Variants in PARD3B observed in about 807,000 individuals in gnomAD.
PARD3B encodes the protein partitioning defective 3 homolog B.
In PARD3B, 103 loss-of-function variants were observed where a neutral mutation model predicts 130.2. The observed-to-expected ratio is 0.79, with a 90% CI of 0.67 to 0.93. PARD3B has a LOEUF of 0.93. Ranked by LOEUF, PARD3B falls within the 40% of genes least tolerant of loss-of-function variation. The probability of loss-of-function intolerance (pLI) is 0.00; values close to 1 mark genes in which losing one functional copy is unlikely to be tolerated. For synonymous variants in PARD3B, 583 were observed against 553.2 expected, an observed-to-expected ratio of 1.05 and a Z score of -0.76; for missense variants, 1,609 against 1,499.2, an observed-to-expected ratio of 1.07 and a Z score of -1.21.
intron 1 of PARD3B, among the ~76,000 whole-genome samples, chr2:204,546,798 A>G (rs1201856849): frequency 4.6e-5 from 7 of 152,242 alleles, no homozygotes; most frequent in Admixed American, 2.6e-4. Context: ...AAAATGAGAA[A>G]GACGTTCCTA....
intron 2 of PARD3B, among the ~76,000 whole-genome samples, chr2:204,864,688 T>G (rs1256397040): frequency 6.6e-6 from 1 of 152,192 alleles, no homozygotes; most frequent in East Asian, 1.9e-4. Flanking sequence ...TTTATGGGCT[T>G]AAGGTCTATC....
At chr2:204,716,071 G>A (rs1237384999) in intron 2 of PARD3B, among the ~76,000 whole-genome samples, 1 of 152,294 alleles carries the variant, frequency 6.6e-6, no homozygotes, top group Middle Eastern at 3.4e-3. Flanking sequence ...TACTTTAAAT[G>A]TAGGAACTAA....
At chr2:204,925,006 T>G (rs749775217) in intron 2 of PARD3B, among the ~76,000 whole-genome samples, 1 of 152,066 alleles carries the variant, frequency 6.6e-6, no homozygotes, top group Non-Finnish European at 1.5e-5. Context: ...TGTATACATA[T>G]GCATATATGA....
rs113999989 is a variant in PARD3B at position 205,003,345 on chromosome 2, A to G, written c.394+38022A>G. Among the ~76,000 whole-genome samples, 197 of 152,188 alleles carry G rather than the reference A, an allele frequency of 1.3e-3. 1 individual carries two copies. Among genetic ancestry groups the G allele is most frequent in the Non-Finnish European group, 2.3e-3 (155 of 68,000 alleles). On this transcript the variant is annotated intron_variant, in intron 3 of 22. Transcript: ENST00000406610. ...CATAATAGGTTCACAGGTTCCAGCA[A>G]TTAGGAGATGGACTTTTTTGGGGGG...
intron 11 of PARD3B, among the ~76,000 whole-genome samples, chr2:205,159,159 T>G (rs573045970): frequency 6.6e-6 from 1 of 152,224 alleles, no homozygotes; most frequent in Admixed American, 6.5e-5. Context: ...TTGCATACTT[T>G]TTATTACTGC....
intron 1 of PARD3B, among the ~76,000 whole-genome samples, chr2:204,594,901 CA>C (rs2033221611): frequency 6.6e-6 from 1 of 152,148 alleles, no homozygotes; most frequent in African/African-American, 2.4e-5. Flanking sequence ...GTCGTTTGAT[CA>C]GGTGCTTTTA....
intron 2 of PARD3B, among the ~76,000 whole-genome samples, chr2:204,823,583 A>C (rs1015382481): frequency 6.6e-6 from 1 of 152,012 alleles, no homozygotes; most frequent in Admixed American, 6.6e-5. Flanking sequence ...CATACTGGGG[A>C]GCTGTATTCT....
At chr2:204,576,202 C>T (rs1314918534) in intron 1 of PARD3B, among the ~76,000 whole-genome samples, 1 of 152,144 alleles carries the variant, frequency 6.6e-6, no homozygotes, top group Non-Finnish European at 1.5e-5. Context: ...TAAAGTTACA[C>T]AGTAGCTTGA....
chr2:205,615,496 C>T lies in PARD3B; in HGVS notation c.3301C>T (p.Pro1101Ser). 1 of 1,612,886 alleles carries T rather than the reference C, an allele frequency of 6.2e-7. No homozygotes were observed. The highest frequency in any genetic ancestry group is 1.1e-5 in the South Asian group (1 of 90,874). The change falls in exon 23 of 23, where the codon CCT (proline) becomes TCT (serine). Residue 1101 changes from proline to serine, a missense_variant. By Grantham distance (74) the Pro-to-Ser change is moderately conservative. Coordinates refer to ENST00000406610, the MANE Select transcript of PARD3B (RefSeq NM_001302769.2). ...TCCTGTAGACTATCTGCCAGCAGCACCTCGGGGGCTCTACAAGGAAAGGGA... is the reference window on the plus strand; with the variant it reads ...TCCTGTAGACTATCTGCCAGCAGCATCTCGGGGGCTCTACAAGGAAAGGGA... ...ADPVDYLPAA[P>S]RGLYKERELP... is the part of the protein sequence containing the mutation.
chr2:204,687,374 GTCTA>G (rs2037139004), intron 2 of PARD3B, among the ~76,000 whole-genome samples: 1 of 152,060 alleles, frequency 6.6e-6, no homozygotes, highest in Non-Finnish European at 1.5e-5. Flanking sequence ...AAGTTTTATA[GTCTA>G]TCTAGGGAAA....
At chr2:204,692,150 T>G (rs2037384258) in intron 2 of PARD3B, among the ~76,000 whole-genome samples, 1 of 152,108 alleles carries the variant, frequency 6.6e-6, no homozygotes, top group African/African-American at 2.4e-5. Context: ...CAGGAGCTAC[T>G]TCCTGAACAG....
chr2:205,107,870 A>G (rs1224421019), intron 5 of PARD3B, among the ~76,000 whole-genome samples: 2 of 152,214 alleles, frequency 1.3e-5, no homozygotes, highest in African/African-American at 4.8e-5. Flanking sequence ...TAAGAAAATT[A>G]CACTTTGAAT....
At chr2:204,564,959 A>T (rs1302628457) in intron 1 of PARD3B, among the ~76,000 whole-genome samples, 2 of 152,244 alleles carry the variant, frequency 1.3e-5, no homozygotes, top group South Asian at 4.1e-4. Flanking sequence ...CACACAGCTT[A>T]GCTGGGTCCT....
chr2:205,548,325 G>T (rs527460880), intron 21 of PARD3B, among the ~76,000 whole-genome samples: 2 of 152,026 alleles, frequency 1.3e-5, no homozygotes, highest in African/African-American at 4.8e-5. Context: ...TATACTCAAC[G>T]ATCAGACATC....
At chr2:204,902,186 T>A (rs1454734289) in intron 2 of PARD3B, among the ~76,000 whole-genome samples, 1 of 152,212 alleles carries the variant, frequency 6.6e-6, no homozygotes, top group Non-Finnish European at 1.5e-5. Flanking sequence ...ATGTTTTACA[T>A]AGAAAAGGCT....
intron 14 of PARD3B, among the ~76,000 whole-genome samples, chr2:205,191,238 A>C (rs1408761837): frequency 6.6e-6 from 1 of 152,204 alleles, no homozygotes. Flanking sequence ...TTAATAGCTC[A>C]GGTTGATCAA....
At chr2:204,991,776 G>C (rs1295958175) in intron 3 of PARD3B, among the ~76,000 whole-genome samples, 7 of 151,810 alleles carry the variant, frequency 4.6e-5, no homozygotes, top group Admixed American at 1.3e-4. Context: ...ATTCTAACTG[G>C]TGTGAGATGG....
chr2:205,552,228 G>A lies in PARD3B; in HGVS notation c.3181-1096G>A, dbSNP rs151081982. On this transcript the variant is annotated intron_variant, in intron 21 of 22. Coordinates refer to ENST00000406610, the MANE Select transcript of PARD3B (RefSeq NM_001302769.2). ...ACGTACAGAGGAAGGGACAAAAACAGTAAAGACCAACACTAGATAGAAAAC... is the reference window on the plus strand; with the variant it reads ...ACGTACAGAGGAAGGGACAAAAACAATAAAGACCAACACTAGATAGAAAAC... Among the ~76,000 whole-genome samples the A allele has an allele frequency of 2.3e-3, 343 of 152,140 alleles. 2 individuals are homozygous for A. Among genetic ancestry groups the A allele is most frequent in the African/African-American group, 8.1e-3 (335 of 41,496 alleles).
intron 2 of PARD3B, among the ~76,000 whole-genome samples, chr2:204,916,641 G>A (rs2047456537): frequency 6.6e-6 from 1 of 151,940 alleles, no homozygotes; most frequent in African/African-American, 2.4e-5. Flanking sequence ...GTCTAAAGAT[G>A]TAGTTTTTTT....
Sources: gnomAD v4.1 joint callset for allele counts (sites outside exome capture counted in the v4.1 genomes callset) on GRCh38, gnomAD v4.1.1 for gene constraint, MANE v1.5 for transcripts, NCBI Gene and HGNC (gene_info 2026-07-23, HGNC 2026-07-21) for gene names.